Variants in DCDC2 observed in about 807,000 individuals in gnomAD.
The protein encoded by DCDC2 is doublecortin domain containing 2, also known as doublecortin domain-containing protein 2.
A neutral mutation model predicts 50.2 loss-of-function variants in DCDC2; 40 were observed. The ratio of observed to expected loss-of-function variants is 0.80; its 90% CI spans 0.62 to 1.04. The LOEUF (loss-of-function observed/expected upper bound fraction) is 1.04. Ranked by LOEUF, DCDC2 falls within the 50% of genes least tolerant of loss-of-function variation. The probability of loss-of-function intolerance (pLI) is 0.00; values close to 1 mark genes in which losing one functional copy is unlikely to be tolerated. For missense variants in DCDC2, 570 were observed against 581.9 expected (o/e 0.98, Z 0.21); for synonymous variants, 234 against 210.6 (o/e 1.11, Z -0.96).
chr6:24,301,370 CAAAAA>C (rs59055669), intron 4 of DCDC2, among the ~76,000 whole-genome samples: 11 of 64,112 alleles, frequency 1.7e-4, no homozygotes, highest in African/African-American at 2.9e-4. Context: ...GGCTCCATCT[CAAAAA>C]AAAAAAAAAA....
At chr6:24,211,612 G>A (rs763241104) in intron 7 of DCDC2, among the ~76,000 whole-genome samples, 2 of 152,188 alleles carry the variant, frequency 1.3e-5, no homozygotes, top group African/African-American at 2.4e-5. Flanking sequence ...AGGAGGCCCA[G>A]AGTGGGACTG....
upstream of DCDC2, among the ~76,000 whole-genome samples, chr6:24,358,846 T>C (rs1456184414): frequency 7.2e-5 from 2 of 27,746 alleles, no homozygotes; most frequent in Non-Finnish European, 1.1e-4. Flanking sequence ...TATATATTTA[T>C]ATATTATATA....
chr6:24,328,566 C>T (rs1205962727), intron 2 of DCDC2, among the ~76,000 whole-genome samples: 1 of 152,134 alleles, frequency 6.6e-6, no homozygotes, highest in Non-Finnish European at 1.5e-5. Context: ...CCAATCATGC[C>T]CCAGAGGTAT....
Position 24,340,012 on chromosome 6 carries a change from A to G in DCDC2, c.348+13557T>C, listed in dbSNP as rs145040232. 3.9e-3 allele frequency among the ~76,000 whole-genome samples: 593 copies of G among 152,316 alleles called. 2 individuals carry two copies. Among genetic ancestry groups the G allele is most frequent in the Non-Finnish European group, 5.5e-3 (373 of 68,024 alleles). ...GGAGAGGAATAGAGTTTCGGAATAA[A>G]TAAGAGTCACTAAGTAAAAATGCTG... On this transcript the variant is annotated intron_variant, in intron 2 of 9. Transcript: ENST00000378454.
At chr6:24,378,255 G>A in the DCDC2 span, among the ~76,000 whole-genome samples, 7 of 152,208 alleles carry the variant, frequency 4.6e-5, no homozygotes, top group East Asian at 1.9e-4. Context: ...GCTTCCATTC[G>A]GCACTTGTGT....
chr6:24,218,257 G>A (rs1444977616), intron 7 of DCDC2, among the ~76,000 whole-genome samples: 1 of 152,102 alleles, frequency 6.6e-6, no homozygotes, highest in Non-Finnish European at 1.5e-5. Context: ...CCATAAAATA[G>A]TACTATTTAT....
chr6:24,182,012 A>G (rs1222876860), intron 8 of DCDC2, among the ~76,000 whole-genome samples: 2 of 152,226 alleles, frequency 1.3e-5, no homozygotes, highest in Non-Finnish European at 2.9e-5. Flanking sequence ...ATAAACCTTC[A>G]CATATACGGT....
At chr6:24,184,150 A>C (rs1049237402) in intron 8 of DCDC2, among the ~76,000 whole-genome samples, 4 of 152,230 alleles carry the variant, frequency 2.6e-5, no homozygotes, top group Admixed American at 2.6e-4. Context: ...GTCTTGTCCC[A>C]AAGTCCTAGT....
At chr6:24,266,665 G>A (rs1313687735) in intron 7 of DCDC2, among the ~76,000 whole-genome samples, 5 of 152,038 alleles carry the variant, frequency 3.3e-5, no homozygotes, top group Non-Finnish European at 7.4e-5. Flanking sequence ...AGACAATAAG[G>A]GATGCTGGCA....
At chr6:24,220,392 CA>C (rs1240884130) in intron 7 of DCDC2, among the ~76,000 whole-genome samples, 1 of 151,936 alleles carries the variant, frequency 6.6e-6, no homozygotes, top group South Asian at 2.1e-4. Context: ...TTAACAACAA[CA>C]AAAAAACAAA....
chr6:24,195,394 T>C (rs1457008874), intron 8 of DCDC2, among the ~76,000 whole-genome samples: 11 of 152,198 alleles, frequency 7.2e-5, no homozygotes, highest in Non-Finnish European at 1.5e-4. Flanking sequence ...GTAAAATACA[T>C]ATTACATAAA....
intron 2 of DCDC2, among the ~76,000 whole-genome samples, chr6:24,310,660 C>A (rs951264186): frequency 3.3e-5 from 5 of 152,142 alleles, no homozygotes; most frequent in Admixed American, 2.0e-4. Context: ...CTCCTGACAC[C>A]AAATCTGTAT....
intron 7 of DCDC2, among the ~76,000 whole-genome samples, chr6:24,236,663 G>C (rs571043168): frequency 6.6e-6 from 1 of 151,788 alleles, no homozygotes; most frequent in Non-Finnish European, 1.5e-5. Flanking sequence ...CTAACATCTT[G>C]AATTATAAGG....
At chr6:24,363,378 G>A in the DCDC2 span, among the ~76,000 whole-genome samples, 1 of 152,128 alleles carries the variant, frequency 6.6e-6, no homozygotes, top group Non-Finnish European at 1.5e-5. Flanking sequence ...GCATGCTCCT[G>A]TAGTCCCAGC....
intron 6 of DCDC2, among the ~76,000 whole-genome samples, chr6:24,284,015 C>T (rs10452598): frequency 5.9e-5 from 9 of 152,260 alleles, no homozygotes; most frequent in Non-Finnish European, 4.4e-5. Context: ...GTATATCACA[C>T]GTATTGTGCA....
chr6:24,194,886 T>C (rs1749758530), intron 8 of DCDC2, among the ~76,000 whole-genome samples: 1 of 152,158 alleles, frequency 6.6e-6, no homozygotes, highest in African/African-American at 2.4e-5. Context: ...CCTAAATGCA[T>C]GCAAGAATGT....
intron 7 of DCDC2, among the ~76,000 whole-genome samples, chr6:24,260,691 T>C (rs1038906477): frequency 1.5e-4 from 23 of 152,252 alleles, no homozygotes; most frequent in Non-Finnish European, 2.6e-4. Context: ...CTAAAAGTTA[T>C]AGAGTGCTGT....
chr6:24,176,841 A>G (rs1760924315), intron 9 of DCDC2, among the ~76,000 whole-genome samples: 1 of 152,198 alleles, frequency 6.6e-6, no homozygotes, highest in Admixed American at 6.5e-5. Context: ...TAGATTACAC[A>G]TATAAGTGAG....
intron 8 of DCDC2, among the ~76,000 whole-genome samples, chr6:24,194,698 G>A (rs1432513491): frequency 6.6e-6 from 1 of 152,168 alleles, no homozygotes; most frequent in Non-Finnish European, 1.5e-5. Flanking sequence ...TATTGACATA[G>A]GGTCATCAGT....
Sources: allele counts gnomAD v4.1 joint callset (sites outside exome capture counted in the v4.1 genomes callset), GRCh38; gene constraint gnomAD v4.1.1; transcripts MANE v1.5; gene names NCBI Gene and HGNC (gene_info 2026-07-23, HGNC 2026-07-21).